TMTC2: variants seen among roughly 807,000 people sequenced by gnomAD.
The protein encoded by TMTC2 is transmembrane O-mannosyltransferase targeting cadherins 2.
A neutral mutation model predicts 82.4 loss-of-function variants in TMTC2; 43 were observed. The observed-to-expected ratio is 0.52, with a 90% confidence interval of 0.41 to 0.67. The LOEUF is 0.67. Among genes scored for constraint, TMTC2 ranks in the 30% least tolerant of loss-of-function variants. The pLI is 0.00. For synonymous variants in TMTC2, 408 were observed against 381.9 expected, an observed-to-expected ratio of 1.07 and a Z score of -0.80; for missense variants, 919 against 1,012.4, an observed-to-expected ratio of 0.91 and a Z score of 1.25.
At chr12:82,899,590 AAT>A (rs1174730580) in intron 3 of TMTC2, among the ~76,000 whole-genome samples, 11 of 112,238 alleles carry the variant, frequency 9.8e-5, no homozygotes, top group South Asian at 4.7e-4. Flanking sequence ...TATATATAAG[AAT>A]ATATATATGT....
chr12:82,725,421 T>G (rs1384662817), intron 1 of TMTC2, among the ~76,000 whole-genome samples: 1 of 152,228 alleles, frequency 6.6e-6, no homozygotes, highest in Non-Finnish European at 1.5e-5. Flanking sequence ...AATTACAGTT[T>G]ATGAATCACA....
At chr12:82,758,288 A>G (rs971216770) in intron 1 of TMTC2, among the ~76,000 whole-genome samples, 8 of 152,102 alleles carry the variant, frequency 5.3e-5, no homozygotes, top group Non-Finnish European at 1.0e-4. Flanking sequence ...ATTGATCTCT[A>G]TGAAGCCTCC....
rs532782239 is a variant in TMTC2, at chr12:82,785,910, G to C, written c.84-71100G>C. Among the ~76,000 whole-genome samples, 43 of 152,166 alleles carry C rather than the reference G, an allele frequency of 2.8e-4. No homozygotes were observed. The South Asian group carries it at 5.6e-3, about 20-fold the overall frequency. On this transcript the variant is annotated intron_variant, in intron 1 of 11. Coordinates refer to ENST00000321196, the MANE Select transcript of TMTC2 (RefSeq NM_152588.3). ...GGGTAGAAGTTTATGTCACCATCTCGATTTAAGTATGTTGAAATTCTAAGT... is the reference window on the plus strand; with the variant it reads ...GGGTAGAAGTTTATGTCACCATCTCCATTTAAGTATGTTGAAATTCTAAGT...
At chr12:82,812,841 T>A (rs1317792095) in intron 1 of TMTC2, among the ~76,000 whole-genome samples, 1 of 152,020 alleles carries the variant, frequency 6.6e-6, no homozygotes, top group Non-Finnish European at 1.5e-5. Context: ...TAAAACATGA[T>A]TTGTAGGATT....
intron 1 of TMTC2, among the ~76,000 whole-genome samples, chr12:82,845,090 G>A (rs950563068): frequency 5.4e-5 from 8 of 147,440 alleles, no homozygotes; most frequent in Admixed American, 2.0e-4. Flanking sequence ...TTAGCTGGGC[G>A]TAGTGGCGGG....
chr12:82,918,491 C>T (rs1208295126), intron 3 of TMTC2, among the ~76,000 whole-genome samples: 2 of 152,028 alleles, frequency 1.3e-5, no homozygotes, highest in Non-Finnish European at 2.9e-5. Flanking sequence ...GGGACAAAGA[C>T]ATATGTTAAA....
intron 1 of TMTC2, among the ~76,000 whole-genome samples, chr12:82,807,280 AT>A (rs531640619): frequency 2.8e-4 from 43 of 152,256 alleles, no homozygotes; most frequent in Middle Eastern, 6.8e-3. Context: ...TTTCCAAACC[AT>A]TAATTCCTTG....
chr12:82,767,090 G>T (rs961938833), intron 1 of TMTC2, among the ~76,000 whole-genome samples: 20 of 152,050 alleles, frequency 1.3e-4, no homozygotes, highest in Non-Finnish European at 2.8e-4. Flanking sequence ...AACATGTGAG[G>T]GCTCCTTCAT....
intron 2 of TMTC2, among the ~76,000 whole-genome samples, chr12:82,885,497 G>C (rs1351019084): frequency 6.6e-6 from 1 of 151,534 alleles, no homozygotes; most frequent in Non-Finnish European, 1.5e-5. Flanking sequence ...AGCCTCCTGA[G>C]TAGCTGGGAA....
chr12:82,965,613 G>T lies in TMTC2; in HGVS notation c.1738G>T (p.Ala580Ser). The T allele has an allele frequency of 6.2e-7, 1 of 1,613,706 alleles. No homozygotes were observed. Among genetic ancestry groups the T allele is most frequent in the Non-Finnish European group, 8.5e-7 (1 of 1,179,744 alleles). The change falls in exon 6 of 12, where the codon GCC becomes TCC. Residue 580 changes from alanine (A) to serine (S), a missense_variant. Coordinates refer to ENST00000321196, the MANE Select transcript of TMTC2 (RefSeq NM_152588.3). Reference sequence around the variant, plus strand: ...AATGAACCAAGGAAGGACGGAAGAAGCCCGACGGACATTCTTAAAGTGTTC... The same window carrying T: ...AATGAACCAAGGAAGGACGGAAGAATCCCGACGGACATTCTTAAAGTGTTC... ...ILMNQGRTEEARRTFLKCSEI... is the reference protein window; with the variant it reads ...ILMNQGRTEESRRTFLKCSEI...
chr12:82,738,832 A>G (rs1339095624), intron 1 of TMTC2, among the ~76,000 whole-genome samples: 1 of 152,148 alleles, frequency 6.6e-6, no homozygotes, highest in Non-Finnish European at 1.5e-5. Flanking sequence ...GTTATTTAAT[A>G]ATTCTTCTTT....
chr12:83,092,919 G>A (rs559218196), intron 11 of TMTC2, among the ~76,000 whole-genome samples: 12 of 152,294 alleles, frequency 7.9e-5, no homozygotes, highest in Admixed American at 4.6e-4. Flanking sequence ...ATTTGAAAGC[G>A]GTCTTGAAAT....
intron 11 of TMTC2, among the ~76,000 whole-genome samples, chr12:83,104,118 G>A (rs1027204944): frequency 6.6e-6 from 1 of 152,212 alleles, no homozygotes; most frequent in South Asian, 2.1e-4. Context: ...GAGTTCCCAA[G>A]GCCTTGTGCA....
intron 1 of TMTC2, among the ~76,000 whole-genome samples, chr12:82,697,259 G>A (rs1872853069): frequency 6.8e-6 from 1 of 147,704 alleles, no homozygotes; most frequent in South Asian, 2.1e-4. Context: ...CAGGGGAATT[G>A]CTTGAACCTG....
chr12:82,979,990 T>G (rs1878848587), intron 7 of TMTC2, among the ~76,000 whole-genome samples: 1 of 151,854 alleles, frequency 6.6e-6, no homozygotes. Context: ...TATTTGTTTA[T>G]TTTCTCTTGC....
chr12:82,926,733 A>G (rs2137237071), intron 3 of TMTC2, among the ~76,000 whole-genome samples: 1 of 152,326 alleles, frequency 6.6e-6, no homozygotes. Context: ...AACCTTCAGT[A>G]GAAGCCATTG....
intron 4 of TMTC2, among the ~76,000 whole-genome samples, chr12:82,947,039 G>C (rs1397032049): frequency 6.6e-6 from 1 of 152,072 alleles, no homozygotes; most frequent in Non-Finnish European, 1.5e-5. Flanking sequence ...ACCGCACCCG[G>C]CCCAGGCATG....
chr12:82,708,340 G>C (rs1031936576), intron 1 of TMTC2, among the ~76,000 whole-genome samples: 2 of 152,208 alleles, frequency 1.3e-5, no homozygotes, highest in Non-Finnish European at 2.9e-5. Context: ...ATTGTTAGGA[G>C]TGAAAGCTCA....
intron 11 of TMTC2, among the ~76,000 whole-genome samples, chr12:83,085,629 A>C (rs1037392530): frequency 2.6e-5 from 4 of 152,190 alleles, no homozygotes; most frequent in Non-Finnish European, 5.9e-5. Flanking sequence ...ATCTGAGCTC[A>C]ATTTCTTACA....
Sources: gnomAD v4.1 joint callset for allele counts (sites outside exome capture counted in the v4.1 genomes callset) on GRCh38, gnomAD v4.1.1 for gene constraint, MANE v1.5 for transcripts, NCBI Gene and HGNC (gene_info 2026-07-23, HGNC 2026-07-21) for gene names.